The following FUCA2 variants were observed in gnomAD, a reference collection of about 807,000 sequenced individuals.
FUCA2 encodes the protein alpha-L-fucosidase 2.
A neutral mutation model predicts 52.6 loss-of-function variants in FUCA2; 41 were observed. The observed-to-expected ratio is 0.78, with a 90% CI of 0.61 to 1.01. The LOEUF (loss-of-function observed/expected upper bound fraction) is 1.01, where lower values mean the gene tolerates loss of function less well. Ranked by LOEUF, FUCA2 falls within the 50% of genes least tolerant of loss-of-function variation. FUCA2 has a pLI of 0.00. For missense variants in FUCA2, 507 were observed against 569.5 expected (o/e 0.89, Z 1.12); for synonymous variants, 211 against 217.3 (o/e 0.97, Z 0.26).
At position 143,497,809 on chromosome 6, in the gene FUCA2, G is replaced by A. The variant is rs952742177; in HGVS notation, c.1155-312C>T. On this transcript the variant is annotated intron_variant, in intron 5 of 6. Coordinates refer to ENST00000002165, the MANE Select transcript of FUCA2 (RefSeq NM_032020.5). The surrounding 1 kb of genome is among the most constrained non-coding windows in gnomAD (Gnocchi z 5.3). ...ATGCAAGAGCTTCATGGCTTTTCAT[G>A]TATTATTCAAATTTTTATATTCATT... 6.6e-6 allele frequency among the ~76,000 whole-genome samples: 1 copy of A among 152,156 alleles called. No individual in the cohort carries two copies. The highest frequency in any genetic ancestry group is 1.5e-5 in the Non-Finnish European group (1 of 68,036).
rs776839615 is a variant in FUCA2 at position 143,495,944 on chromosome 6, T to C, written c.1264-97A>G. 1.4e-4 allele frequency: 180 copies of C among 1,262,494 alleles called. No individual in the cohort carries two copies. Among genetic ancestry groups the C allele is most frequent in the Non-Finnish European group, 1.9e-4 (167 of 898,436 alleles). The allele number at this position is 1,262,494 out of a possible 1,614,324, so 78.2% of individuals were successfully genotyped here. A position where few individuals can be genotyped will look rare whatever the true frequency, so the allele number is the denominator to read the frequency against. On this transcript the variant is annotated intron_variant, in intron 6 of 6. Coordinates refer to ENST00000002165, the MANE Select transcript of FUCA2 (RefSeq NM_032020.5). This position sits in a 1 kb window ranked among gnomAD's most constrained non-coding sequence, Gnocchi z 5.2. ...GAGTGATTAGTAGTTCAAACAAAATTGTAGACAAGAGGTTCATTTTTACCT... is the reference window on the plus strand; with the variant it reads ...GAGTGATTAGTAGTTCAAACAAAATCGTAGACAAGAGGTTCATTTTTACCT...
Position 143,504,554 on chromosome 6 carries a change from C to T in FUCA2, c.413-302G>A. On this transcript the variant is annotated intron_variant, in intron 2 of 6. Coordinates refer to ENST00000002165, the MANE Select transcript of FUCA2 (RefSeq NM_032020.5). The surrounding 1 kb of genome is among the most constrained non-coding windows in gnomAD (Gnocchi z 4.4). ...AGGTCCTTAAGGGATTGCATCATGTCTGCAGTGCTCCCTGCTATGTCTCCA... is the reference window on the plus strand; with the variant it reads ...AGGTCCTTAAGGGATTGCATCATGTTTGCAGTGCTCCCTGCTATGTCTCCA... The T allele has an allele frequency of 3.6e-6, 1 of 280,408 alleles. No homozygotes were observed. Among genetic ancestry groups the T allele is most frequent in the Non-Finnish European group, 6.7e-6 (1 of 148,696 alleles). 17.4% of individuals were successfully genotyped at this position (280,408 alleles called of 1,614,324 possible).
chr6:143,507,457 G>A lies in FUCA2; in HGVS notation c.225-33C>T, dbSNP rs1562666651. The A allele has an allele frequency of 2.1e-6, 3 of 1,454,788 alleles. No individual in the cohort carries two copies. The highest frequency in any genetic ancestry group is 2.8e-6 in the Non-Finnish European group (3 of 1,078,266). The allele number at this position is 1,454,788 out of a possible 1,614,324, so 90.1% of individuals were successfully genotyped here. ...GAGGAAAGGAAAGAGTGCATAAACA[G>A]CACATACACACATATTTAAAAGAAC... On this transcript the variant is annotated intron_variant, in intron 1 of 6. Transcript: ENST00000002165. This position sits in a 1 kb window ranked among gnomAD's most constrained non-coding sequence, Gnocchi z 4.5.
chr6:143,508,558 G>A (rs543716710), intron 1 of FUCA2, among the ~76,000 whole-genome samples: 36 of 152,344 alleles, frequency 2.4e-4, no homozygotes, highest in African/African-American at 8.2e-4. Context: ...CTACAGCTGC[G>A]ACAGGGATGT....
chr6:143,505,552 A>T (rs535880544), intron 2 of FUCA2: 1 of 152,144 alleles, frequency 6.6e-6, no homozygotes, highest in African/African-American at 2.4e-5. Flanking sequence ...CCTGGCCTCA[A>T]GCAATCCTCC....
chr6:143,511,601 G>C lies in FUCA2; in HGVS notation c.34C>G (p.Pro12Ala), dbSNP rs1780685969. 5 of 1,548,976 alleles carry C rather than the reference G, an allele frequency of 3.2e-6. No homozygotes were observed. Among genetic ancestry groups the C allele is most frequent in the Non-Finnish European group, 4.4e-6 (5 of 1,146,612 alleles). Residue 12 changes from proline to alanine, a missense_variant, in exon 1 of 7, where the codon CCG (proline) becomes GCG (alanine). Coordinates refer to ENST00000002165, the MANE Select transcript of FUCA2 (RefSeq NM_032020.5). The surrounding 1 kb of genome is among the most constrained non-coding windows in gnomAD (Gnocchi z 6.3). ...RPQELPRLAF[P>A]LLLLLLLLLP... ...AGCAGCAACAGCAACAGCAGCAACG[G>C]GAACGCGAGCCTGGGGAGCTCCTGG...
Position 143,495,729 on chromosome 6 carries a change from A to G in FUCA2, c.1382T>C (p.Leu461Pro). 6.2e-7 allele frequency: 1 copy of G among 1,614,032 alleles called. No homozygotes were observed. The highest frequency in any genetic ancestry group is 8.5e-7 in the Non-Finnish European group (1 of 1,179,928). The change falls in exon 7 of 7, where the codon CTA becomes CCA. Residue 461 changes from leucine (L) to proline (P), a missense_variant. Transcript: ENST00000002165. This position sits in a 1 kb window ranked among gnomAD's most constrained non-coding sequence, Gnocchi z 5.2. ...ACTTTAGATCACATTAGTCAGGGCT[A>G]GAGCCCAGCCCCATTTACACGGCAT... ...HQMPCKWGWA[L>P]ALTNVI
chr6:143,498,889 G>A (rs1387850038), intron 5 of FUCA2, among the ~76,000 whole-genome samples: 1 of 152,212 alleles, frequency 6.6e-6, no homozygotes, highest in East Asian at 1.9e-4. Flanking sequence ...GGTTGCCACA[G>A]AGAGGATAAG....
rs1780513371 is a variant in FUCA2 at position 143,500,309 on chromosome 6, C to T, written c.1154+1623G>A. Among the ~76,000 whole-genome samples the T allele has an allele frequency of 1.3e-5, 2 of 152,096 alleles. No individual in the cohort carries two copies. Among genetic ancestry groups the T allele is most frequent in the East Asian group, 1.9e-4 (1 of 5,166 alleles). On this transcript the variant is annotated intron_variant, in intron 5 of 6. Coordinates refer to ENST00000002165, the MANE Select transcript of FUCA2 (RefSeq NM_032020.5). This position sits in a 1 kb window ranked among gnomAD's most constrained non-coding sequence, Gnocchi z 6.9. The stretch of plus-strand genomic sequence containing the variant: ...CTGGATTATAGATCCCTTTGGAAGC[C>T]GAAGTGCCATGCAGAGTGAGCCAAA...
Position 143,511,577 on chromosome 6 carries a change from GCAGCAA to G in FUCA2, c.52_57del (p.Leu20_Leu21del), listed in dbSNP as rs781434054. 1.3e-6 allele frequency: 2 copies of G among 1,559,658 alleles called. No individual in the cohort carries two copies. Among genetic ancestry groups the G allele is most frequent in the South Asian group, 1.2e-5 (1 of 85,078 alleles). On this transcript the variant is annotated inframe_deletion, in exon 1 of 7. Transcript: ENST00000002165. This position sits in a 1 kb window ranked among gnomAD's most constrained non-coding sequence, Gnocchi z 6.3. ...GCAGGGCACGGCGGCGGCGGCAGCA[GCAGCAA>G]CAGCAACAGCAGCAACGGGAACGCG...
In FUCA2 at chr6:143,510,537, G is replaced by T. The variant is rs893036629; in HGVS notation, c.224+874C>A. 1.3e-5 allele frequency among the ~76,000 whole-genome samples: 2 copies of T among 151,822 alleles called. No individual in the cohort carries two copies. The highest frequency in any genetic ancestry group is 1.3e-4 in the Admixed American group (2 of 15,236). ...GCCTGTAGTCCCAGCTACTCAGGAG[G>T]CTAAGGCGCGAGAATCGTTTGAACC... is the stretch of plus-strand genomic sequence containing the variant. On this transcript the variant is annotated intron_variant, in intron 1 of 6. Transcript: ENST00000002165. This position sits in a 1 kb window ranked among gnomAD's most constrained non-coding sequence, Gnocchi z 4.4.
rs1390236084 is a variant in FUCA2, at chr6:143,495,507, T to C, written c.*200A>G. On this transcript the variant is annotated 3_prime_UTR_variant, in exon 7 of 7. Coordinates refer to ENST00000002165, the MANE Select transcript of FUCA2 (RefSeq NM_032020.5). The surrounding 1 kb of genome is among the most constrained non-coding windows in gnomAD (Gnocchi z 5.2). ...ACAAATCAATGTGAAGAGACTTTAATGGCAAAGTGCACTGGAGAGTTAAAA... is the reference window on the plus strand; with the variant it reads ...ACAAATCAATGTGAAGAGACTTTAACGGCAAAGTGCACTGGAGAGTTAAAA... The C allele has an allele frequency of 4.2e-6, 2 of 478,974 alleles. No individual in the cohort carries two copies. Among genetic ancestry groups the C allele is most frequent in the Non-Finnish European group, 7.3e-6 (2 of 274,536 alleles). 29.7% of individuals were successfully genotyped at this position (478,974 alleles called of 1,614,324 possible). A position where few individuals can be genotyped will look rare whatever the true frequency, so the allele number is the denominator to read the frequency against.
In FUCA2 at chr6:143,504,253, CTAGAAAAT is replaced by C. The variant is rs1310274394; in HGVS notation, c.413-9_413-2del. On this transcript the variant is annotated splice_acceptor_variant and splice_polypyrimidine_tract_variant and intron_variant, in intron 2 of 6. Coordinates refer to ENST00000002165, the MANE Select transcript of FUCA2 (RefSeq NM_032020.5). LOFTEE classifies it high-confidence loss of function. The surrounding 1 kb of genome is among the most constrained non-coding windows in gnomAD (Gnocchi z 4.4). ...TATTCTGACCCCCACAAGGTAAAGC[CTAGAAAAT>C]TATAGTGAAAACCCTTGTAAGCATG... 6.2e-7 allele frequency: 1 copy of C among 1,603,662 alleles called. No homozygotes were observed. Among genetic ancestry groups the C allele is most frequent in the African/African-American group, 1.3e-5 (1 of 74,348 alleles).
chr6:143,501,870 T>C lies in FUCA2; in HGVS notation c.1154+62A>G. ...TCTTTTTATCCTACTCTTCTTTATA[T>C]GTCTGATAAATTTTAAATCTCTTCC... On this transcript the variant is annotated intron_variant, in intron 5 of 6. Transcript: ENST00000002165. The surrounding 1 kb of genome is among the most constrained non-coding windows in gnomAD (Gnocchi z 6.1). 7.1e-7 allele frequency: 1 copy of C among 1,414,260 alleles called. No homozygotes were observed. Among genetic ancestry groups the C allele is most frequent in the Non-Finnish European group, 9.7e-7 (1 of 1,027,650 alleles). 87.6% of individuals were successfully genotyped at this position (1,414,260 alleles called of 1,614,324 possible).
Position 143,511,272 on chromosome 6 carries a change from A to G in FUCA2, c.224+139T>C. The G allele has an allele frequency of 1.4e-6, 1 of 692,440 alleles. No individual in the cohort carries two copies. The highest frequency in any genetic ancestry group is 2.3e-6 in the Non-Finnish European group (1 of 429,982). The allele number at this position is 692,440 out of a possible 1,614,324, so 42.9% of individuals were successfully genotyped here. ...CATATTCGACACCCGGAAGTGCGAAACGCGGGTAACGCAGTGGGAGGTGAA... is the reference window on the plus strand; with the variant it reads ...CATATTCGACACCCGGAAGTGCGAAGCGCGGGTAACGCAGTGGGAGGTGAA... On this transcript the variant is annotated intron_variant, in intron 1 of 6. Transcript: ENST00000002165. The surrounding 1 kb of genome is among the most constrained non-coding windows in gnomAD (Gnocchi z 6.3).
chr6:143,502,276 G>T lies in FUCA2; in HGVS notation c.963+79C>A. On this transcript the variant is annotated intron_variant, in intron 4 of 6. Transcript: ENST00000002165. This position sits in a 1 kb window ranked among gnomAD's most constrained non-coding sequence, Gnocchi z 4.1. ...CAATGTCCTATATTTATAGGCCATT[G>T]AGCCATAGAAGAAATAATTCCTACA... 1 of 1,445,126 alleles carries T rather than the reference G, an allele frequency of 6.9e-7. No homozygotes were observed. The highest frequency in any genetic ancestry group is 1.3e-5 in the South Asian group (1 of 79,012). The allele number at this position is 1,445,126 out of a possible 1,614,324, so 89.5% of individuals were successfully genotyped here.
chr6:143,502,807 A>C lies in FUCA2; in HGVS notation c.753-242T>G. On this transcript the variant is annotated intron_variant, in intron 3 of 6. Coordinates refer to ENST00000002165, the MANE Select transcript of FUCA2 (RefSeq NM_032020.5). The surrounding 1 kb of genome is among the most constrained non-coding windows in gnomAD (Gnocchi z 4.1). ...ACTCCTCTGAATAATGAATTTCCTC[A>C]TCTATGATTAGAACAAAAATAAGTT... 19 of 428,180 alleles carry C rather than the reference A, an allele frequency of 4.4e-5. No individual in the cohort carries two copies. Among genetic ancestry groups the C allele is most frequent in the East Asian group, 1.2e-4 (3 of 25,778 alleles). The allele number at this position is 428,180 out of a possible 1,614,324, so 26.5% of individuals were successfully genotyped here.
chr6:143,511,697 C>T lies in FUCA2; in HGVS notation c.-63G>A. 8.7e-6 allele frequency: 12 copies of T among 1,375,682 alleles called. No homozygotes were observed. Among genetic ancestry groups the T allele is most frequent in the Non-Finnish European group, 1.1e-5 (12 of 1,048,440 alleles). 85.2% of individuals were successfully genotyped at this position (1,375,682 alleles called of 1,614,324 possible). On this transcript the variant is annotated 5_prime_UTR_variant, in exon 1 of 7. Coordinates refer to ENST00000002165, the MANE Select transcript of FUCA2 (RefSeq NM_032020.5). The surrounding 1 kb of genome is among the most constrained non-coding windows in gnomAD (Gnocchi z 6.3). ...CGCGGCCTCGGGAGCGCTGTTCTTCCGTCTCTGCCGCTGAGTATGCCGCGC... is the reference window on the plus strand; with the variant it reads ...CGCGGCCTCGGGAGCGCTGTTCTTCTGTCTCTGCCGCTGAGTATGCCGCGC...
chr6:143,495,881 A>G lies in FUCA2; in HGVS notation c.1264-34T>C. 1.9e-6 allele frequency: 3 copies of G among 1,606,454 alleles called. No homozygotes were observed. Among genetic ancestry groups the G allele is most frequent in the Non-Finnish European group, 2.6e-6 (3 of 1,174,442 alleles). Reference sequence around the variant, plus strand: ...AAAAACATACATGCAAATGTCTCCAAATTTATCTCTTTATCTCACCCACTT... The same window carrying G: ...AAAAACATACATGCAAATGTCTCCAGATTTATCTCTTTATCTCACCCACTT... On this transcript the variant is annotated intron_variant, in intron 6 of 6. Coordinates refer to ENST00000002165, the MANE Select transcript of FUCA2 (RefSeq NM_032020.5). This position sits in a 1 kb window ranked among gnomAD's most constrained non-coding sequence, Gnocchi z 5.2.
Sources: allele counts gnomAD v4.1 joint callset (sites outside exome capture counted in the v4.1 genomes callset), GRCh38; gene constraint gnomAD v4.1.1; non-coding constraint Gnocchi (gnomAD v3.1); transcripts MANE v1.5; gene names NCBI Gene and HGNC (gene_info 2026-07-23, HGNC 2026-07-21).